The following RICTOR variants were observed in gnomAD, a reference collection of about 807,000 sequenced individuals.
RICTOR encodes the protein rapamycin-insensitive companion of mTOR.
RICTOR carries 49 observed loss-of-function variants against 214.9 expected under a neutral mutation model. The ratio of observed to expected loss-of-function variants is 0.23; its 90% CI spans 0.18 to 0.29. The LOEUF (loss-of-function observed/expected upper bound fraction) is 0.29. Among genes scored for constraint, RICTOR ranks in the 10% least tolerant of loss-of-function variants. The pLI, the probability that RICTOR is intolerant of heterozygous loss-of-function variation, is 1.00. For synonymous variants in RICTOR, 717 were observed against 711.3 expected, an observed-to-expected ratio of 1.01 and a Z score of -0.13; for missense variants, 1,625 against 2,047.0, an observed-to-expected ratio of 0.79 and a Z score of 3.98.
intron 22 of RICTOR, 150 bp from the exon 23 acceptor site, chr5:38,958,981 T>C (rs1392112413): frequency 1.6e-5 from 11 of 692,584 alleles, no homozygotes; most frequent in African/African-American, 3.7e-5. Flanking sequence ...TTTTTGGTTC[T>C]TGTGAAATAG....
intron 5 of RICTOR, among the ~76,000 whole-genome samples, chr5:39,001,416 A>G (rs992731540): frequency 6.6e-6 from 1 of 152,088 alleles, no homozygotes; most frequent in Non-Finnish European, 1.5e-5. Context: ...TCTATCTCAT[A>G]TCTTACACAA....
At chr5:38,996,932 T>C in intron 5 of RICTOR, 50 bp from the exon 6 acceptor site, 1 of 1,260,932 alleles carries the variant, frequency 7.9e-7, no homozygotes, top group Non-Finnish European at 1.2e-6. Flanking sequence ...ATTAAACAAC[T>C]TTTTGTATCA....
intron 7 of RICTOR, among the ~76,000 whole-genome samples, chr5:38,982,238 T>C (rs1330067428): frequency 6.6e-6 from 1 of 152,192 alleles, no homozygotes; most frequent in African/African-American, 2.4e-5. Flanking sequence ...TAAAATATCT[T>C]TGGATTGTCT....
At position 38,939,168 on chromosome 5, in the gene RICTOR, G is replaced by C. The variant is rs1047773400; in HGVS notation, c.*3136C>G. ...GGGGATAAAAGGCATCCTCTGAATG[G>C]AATAACATTTTATATAAATAGCAGT... is the stretch of plus-strand genomic sequence containing the variant. On this transcript the variant is annotated 3_prime_UTR_variant, in exon 38 of 38. Coordinates refer to ENST00000357387, the MANE Select transcript of RICTOR (RefSeq NM_152756.5). 1.7e-5 allele frequency: 4 copies of C among 232,772 alleles called. No individual in the cohort carries two copies. The highest frequency in any genetic ancestry group is 8.8e-5 in the African/African-American group (4 of 45,264). 14.4% of individuals were successfully genotyped at this position (232,772 alleles called of 1,614,324 possible). A position where few individuals can be genotyped will look rare whatever the true frequency, so the allele number is the denominator to read the frequency against.
chr5:38,942,736 A>C (rs1036460372), intron 37 of RICTOR, 97 bp downstream of exon 37: 1 of 980,046 alleles, frequency 1.0e-6, no homozygotes, highest in African/African-American at 1.6e-5. Flanking sequence ...GATTGTAGGC[A>C]TGAGTCACCA....
chr5:38,966,118 A>C (rs1345801727), intron 15 of RICTOR, among the ~76,000 whole-genome samples: 1 of 152,144 alleles, frequency 6.6e-6, no homozygotes, highest in African/African-American at 2.4e-5. Flanking sequence ...CAAAAAAAAC[A>C]AAACAAAACA....
Position 38,949,735 on chromosome 5 carries a change from A to G in RICTOR, c.4113T>C (p.Phe1371=), listed in dbSNP as rs1207962381. ...ACCTGCTTGGTGTTAATCTGGACTC[A>G]AAACTGTTGGCCTTCATGGTGATGG... ...TDTITMKANS[F]ESRLTPSRFM... Residue 1371 remains phenylalanine, a synonymous_variant, in exon 31 of 38, where the codon TTT becomes TTC. Transcript: ENST00000357387. The G allele has an allele frequency of 6.2e-7, 1 of 1,613,178 alleles. No homozygotes were observed. The highest frequency in any genetic ancestry group is 2.2e-5 in the East Asian group (1 of 44,862).
At chr5:39,057,870 T>G (rs1450584417) in intron 2 of RICTOR, among the ~76,000 whole-genome samples, 1 of 152,144 alleles carries the variant, frequency 6.6e-6, no homozygotes, top group Non-Finnish European at 1.5e-5. Flanking sequence ...TTAAAATAAA[T>G]TAATACTCAT....
At chr5:38,960,273 T>C (rs981953057) in intron 20 of RICTOR, 125 bp downstream of exon 20, 6 of 957,452 alleles carry the variant, frequency 6.3e-6, no homozygotes, top group Admixed American at 2.3e-5. Flanking sequence ...TCATTTCTTA[T>C]GTTTCCAAAT....
intron 5 of RICTOR, among the ~76,000 whole-genome samples, chr5:38,998,642 C>T (rs1447865511): frequency 6.6e-6 from 1 of 152,074 alleles, no homozygotes; most frequent in African/African-American, 2.4e-5. Context: ...GAGGGGACTT[C>T]AAAGTAATTA....
intron 9 of RICTOR, 116 bp from the exon 10 acceptor site, chr5:38,975,720 A>ATTT: frequency 1.6e-6 from 1 of 610,346 alleles, no homozygotes; most frequent in Non-Finnish European, 2.7e-6. Context: ...ATTTACACAT[A>ATTT]AAATTAAAAC....
chr5:39,044,849 G>A (rs545468195), intron 2 of RICTOR, among the ~76,000 whole-genome samples: 102 of 152,174 alleles, frequency 6.7e-4, no homozygotes, highest in Non-Finnish European at 1.3e-3. Context: ...CTATATTCAC[G>A]CAGTGCTAAA....
At chr5:38,954,698 A>C (rs559937329) in intron 27 of RICTOR, 76 bp downstream of exon 27, 1 of 886,896 alleles carries the variant, frequency 1.1e-6, no homozygotes, top group East Asian at 2.5e-5. Context: ...TTGCAAAGGT[A>C]ATATTTTAGC....
At chr5:38,975,445 T>C in intron 10 of RICTOR, 92 bp downstream of exon 10, 1 of 833,830 alleles carries the variant, frequency 1.2e-6, no homozygotes, top group Non-Finnish European at 2.0e-6. Flanking sequence ...TAGATTAGCA[T>C]CTGAATTAGG....
At chr5:39,012,477 CAAG>C (rs1754606237) in intron 3 of RICTOR, among the ~76,000 whole-genome samples, 1 of 152,102 alleles carries the variant, frequency 6.6e-6, no homozygotes, top group East Asian at 1.9e-4. Flanking sequence ...ATGAAAGATA[CAAG>C]AAGAAATAGA....
chr5:39,049,261 CA>C (rs1249291854), intron 2 of RICTOR, among the ~76,000 whole-genome samples: 1 of 150,508 alleles, frequency 6.6e-6, no homozygotes, highest in African/African-American at 2.4e-5. Context: ...CACAAGTAAA[CA>C]GCAAAATAAG....
chr5:38,971,233 G>A (rs1750754092), intron 11 of RICTOR: 1 of 152,208 alleles, frequency 6.6e-6, no homozygotes, highest in African/African-American at 2.4e-5. Flanking sequence ...TCACCATATT[G>A]AGGAGGCTGG....
At chr5:38,966,325 A>C (rs572417282) in intron 15 of RICTOR, among the ~76,000 whole-genome samples, 1 of 152,356 alleles carries the variant, frequency 6.6e-6, no homozygotes, top group East Asian at 1.9e-4. Flanking sequence ...AGTCTTTCTG[A>C]GATCAATTAA....
At chr5:39,043,021 A>G (rs1030281778) in intron 2 of RICTOR, among the ~76,000 whole-genome samples, 1 of 152,190 alleles carries the variant, frequency 6.6e-6, no homozygotes, top group Non-Finnish European at 1.5e-5. Flanking sequence ...GTGAGAATGT[A>G]TATTAGTAAG....
Sources: gnomAD v4.1 joint callset for allele counts (sites outside exome capture counted in the v4.1 genomes callset) on GRCh38, gnomAD v4.1.1 for gene constraint, MANE v1.5 for transcripts, NCBI Gene and HGNC (gene_info 2026-07-23, HGNC 2026-07-21) for gene names.